Variants in RAB11FIP1 observed in about 807,000 individuals in gnomAD.
RAB11FIP1 encodes the protein rab11 family-interacting protein 1.
RAB11FIP1 carries 49 observed loss-of-function variants against 83.1 expected under a neutral mutation model. That is an observed-to-expected ratio of 0.59 (90% CI 0.47 to 0.75). RAB11FIP1 has a LOEUF of 0.75. Among genes scored for constraint, RAB11FIP1 ranks in the 30% least tolerant of loss-of-function variants. The probability of loss-of-function intolerance (pLI) is 0.00; values close to 1 mark genes in which losing one functional copy is unlikely to be tolerated. For synonymous variants in RAB11FIP1, 670 were observed against 656.0 expected (o/e 1.02, Z -0.33); for missense variants, 1,536 against 1,598.7 (o/e 0.96, Z 0.67).
In RAB11FIP1 at chr8:37,872,773, C is replaced by A. The variant is rs1432052605; in HGVS notation, c.2029G>T (p.Glu677Ter). 1 of 1,614,114 alleles carries A rather than the reference C, an allele frequency of 6.2e-7. No homozygotes were observed. Among genetic ancestry groups the A allele is most frequent in the African/African-American group, 1.3e-5 (1 of 74,940 alleles). ...TEDSLMGRTRETGTEKNTSSL... is the reference protein window; with the variant it reads ...TEDSLMGRTR ...CTGGTGTTCTTCTCTGTGCCTGTCT[C>A]ACGGGTCCTGCCCATCAGAGAATCT... is the stretch of plus-strand genomic sequence containing the variant. The change falls in exon 4 of 6, where the codon GAG (glutamate) becomes TAG (stop). Residue 677 changes from glutamate (E) to a stop codon, truncating the protein, a stop_gained. Transcript: ENST00000330843. LOFTEE classifies it high-confidence loss of function.
At chr8:37,867,420 G>T (rs1297047370) in intron 5 of RAB11FIP1, among the ~76,000 whole-genome samples, 1 of 152,174 alleles carries the variant, frequency 6.6e-6, no homozygotes, top group Non-Finnish European at 1.5e-5. Context: ...AAGAAAGAGT[G>T]GGGTCCGGGC....
intron 5 of RAB11FIP1, among the ~76,000 whole-genome samples, chr8:37,865,261 C>G (rs2130125431): frequency 6.6e-6 from 1 of 151,264 alleles, no homozygotes; most frequent in South Asian, 2.1e-4. Flanking sequence ...TGTAGGGTGT[C>G]ATATAATTAA....
Position 37,862,831 on chromosome 8 carries a change from C to G in RAB11FIP1, c.*64G>C, listed in dbSNP as rs1806265892. ...GGCTGGTTATCAGGCAAGGCAAGTC[C>G]TTGACCCCTGGAGCAGGTGAAAGTG... is the stretch of plus-strand genomic sequence containing the variant. On this transcript the variant is annotated 3_prime_UTR_variant, in exon 6 of 6. Coordinates refer to ENST00000330843, the MANE Select transcript of RAB11FIP1 (RefSeq NM_001002814.3). 7.3e-7 allele frequency: 1 copy of G among 1,365,444 alleles called. No homozygotes were observed. The highest frequency in any genetic ancestry group is 1.8e-5 in the Admixed American group (1 of 54,404). The allele number at this position is 1,365,444 out of a possible 1,614,324, so 84.6% of individuals were successfully genotyped here.
intron 1 of RAB11FIP1, among the ~76,000 whole-genome samples, chr8:37,898,576 C>A (rs972429414): frequency 2.6e-5 from 4 of 151,364 alleles, no homozygotes; most frequent in Non-Finnish European, 5.9e-5. Context: ...TCGCTTGAAC[C>A]CAGGAGGCGG....
At chr8:37,866,870 C>T (rs1418030787) in intron 5 of RAB11FIP1, among the ~76,000 whole-genome samples, 1 of 152,134 alleles carries the variant, frequency 6.6e-6, no homozygotes, top group Non-Finnish European at 1.5e-5. Context: ...GGAAACGTCC[C>T]GTATTTACCC....
At chr8:37,892,675 T>C (rs572912877) in intron 1 of RAB11FIP1, among the ~76,000 whole-genome samples, 147 of 152,218 alleles carry the variant, frequency 9.7e-4, no homozygotes, top group African/African-American at 3.4e-3. Flanking sequence ...TGACCTCAGG[T>C]GATCCACCCA....
chr8:37,875,277 T>C lies in RAB11FIP1; in HGVS notation c.860A>G (p.Asn287Ser). The C allele has an allele frequency of 6.2e-7, 1 of 1,613,546 alleles. No homozygotes were observed. Among genetic ancestry groups the C allele is most frequent in the Non-Finnish European group, 8.5e-7 (1 of 1,179,854 alleles). ...RTASTDLKQL[N>S]QVNFTLPKKE... ...CTTGGGAAGGGTAAAGTTGACCTGG[T>C]TCAGTTGCTTAAGATCCGTACTCGC... is the stretch of plus-strand genomic sequence containing the variant. The change falls in exon 3 of 6, where the codon AAC becomes AGC. Residue 287 changes from asparagine to serine, a missense_variant. Transcript: ENST00000330843.
At chr8:37,875,716 C>A (rs1436445309) in intron 2 of RAB11FIP1, among the ~76,000 whole-genome samples, 1 of 151,970 alleles carries the variant, frequency 6.6e-6, no homozygotes, top group Admixed American at 6.6e-5. Context: ...AGGCTATATC[C>A]CACGAGGGTT....
Position 37,869,717 on chromosome 8 carries a change from T to A in RAB11FIP1, c.3633+703A>T, listed in dbSNP as rs1205545398. Among the ~76,000 whole-genome samples the A allele has an allele frequency of 1.3e-5, 2 of 152,266 alleles. 1 individual carries two copies. The highest frequency in any genetic ancestry group is 4.1e-4 in the South Asian group (2 of 4,826). Reference sequence around the variant, plus strand: ...ACTTCCAAATGATTTTTAAAAAAAATTATGCATACACCTGCGTGTGTATAT... The same window carrying A: ...ACTTCCAAATGATTTTTAAAAAAAAATATGCATACACCTGCGTGTGTATAT... On this transcript the variant is annotated intron_variant, in intron 5 of 5. Coordinates refer to ENST00000330843, the MANE Select transcript of RAB11FIP1 (RefSeq NM_001002814.3).
Position 37,861,331 on chromosome 8 carries a change from C to T in RAB11FIP1, c.*1564G>A, listed in dbSNP as rs1806227892. The T allele has an allele frequency of 4.3e-6, 1 of 231,404 alleles. No individual in the cohort carries two copies. Among genetic ancestry groups the T allele is most frequent in the African/African-American group, 2.4e-5 (1 of 42,064 alleles). 14.3% of individuals were successfully genotyped at this position (231,404 alleles called of 1,614,324 possible). On this transcript the variant is annotated 3_prime_UTR_variant, in exon 6 of 6. Transcript: ENST00000330843. ...TGAGGGAAAATGGAAAAAAAGCAAC[C>T]ATTTGAAGGCTGAGGCACCTGTTTT...
chr8:37,889,534 G>A (rs908671989), intron 1 of RAB11FIP1, among the ~76,000 whole-genome samples: 2 of 152,054 alleles, frequency 1.3e-5, no homozygotes, highest in East Asian at 1.9e-4. Context: ...ATTGTCTTGG[G>A]GCAACCATGG....
At position 37,872,515 on chromosome 8, in the gene RAB11FIP1, T is replaced by TG; in HGVS notation, c.2286dup (p.Lys763GlnfsTer7). ...ACTTCTTCAGCTGCATCCCTGGCTT[T>TG]GCTCTCCACAAGAGACCCAGCCTGA... On this transcript the variant is annotated frameshift_variant, in exon 4 of 6. Coordinates refer to ENST00000330843, the MANE Select transcript of RAB11FIP1 (RefSeq NM_001002814.3). LOFTEE classifies it high-confidence loss of function. 6.2e-7 allele frequency: 1 copy of TG among 1,614,208 alleles called. No homozygotes were observed. The highest frequency in any genetic ancestry group is 2.2e-5 in the East Asian group (1 of 44,888).
chr8:37,888,471 A>T (rs1806877661), intron 1 of RAB11FIP1, among the ~76,000 whole-genome samples: 2 of 145,652 alleles, frequency 1.4e-5, no homozygotes, highest in Admixed American at 6.8e-5. Context: ...TACTTTCTTT[A>T]AAAAAAAAAA....
chr8:37,875,007 G>A lies in RAB11FIP1; in HGVS notation c.1130C>T (p.Ser377Phe). The A allele has an allele frequency of 6.2e-7, 1 of 1,614,164 alleles. No homozygotes were observed. The highest frequency in any genetic ancestry group is 8.5e-7 in the Non-Finnish European group (1 of 1,180,038). Reference sequence around the variant, plus strand: ...GGAAGATTCGGAGAGCTGCCTGTCAGAAGACAGCCCACCTCCTTCAGCAGG... The same window carrying A: ...GGAAGATTCGGAGAGCTGCCTGTCAAAAGACAGCCCACCTCCTTCAGCAGG... The part of the protein sequence containing the change: ...KEPAEGGGLS[S>F]DRQLSESSTK... Residue 377 changes from serine (S) to phenylalanine (F), a missense_variant, in exon 3 of 6, where the codon TCT (serine) becomes TTT (phenylalanine). Transcript: ENST00000330843.
intron 2 of RAB11FIP1, among the ~76,000 whole-genome samples, chr8:37,876,552 C>G (rs894648837): frequency 6.6e-6 from 1 of 150,720 alleles, no homozygotes; most frequent in Non-Finnish European, 1.5e-5. Flanking sequence ...AAGCTATGAT[C>G]GCGCCACTGC....
rs763490871 is a variant in RAB11FIP1 at position 37,872,421 on chromosome 8, A to G, written c.2381T>C (p.Met794Thr). ...IDSMMRKLEE[M>T]GLNLRKDQKK... ...CTGGTCCTTGCGGAGGTTCAGACCC[A>G]TCTCTTCCAGCTTCCGCATCATGGA... Residue 794 changes from methionine (M) to threonine (T), a missense_variant, in exon 4 of 6, where the codon ATG (methionine) becomes ACG (threonine). Coordinates refer to ENST00000330843, the MANE Select transcript of RAB11FIP1 (RefSeq NM_001002814.3). The G allele has an allele frequency of 6.2e-7, 1 of 1,614,140 alleles. No individual in the cohort carries two copies. The highest frequency in any genetic ancestry group is 2.2e-5 in the East Asian group (1 of 44,880).
chr8:37,876,500 A>G (rs553118913), intron 2 of RAB11FIP1, among the ~76,000 whole-genome samples: 27 of 151,992 alleles, frequency 1.8e-4, no homozygotes, highest in African/African-American at 6.5e-4. Flanking sequence ...CAGAAGGCCA[A>G]GGTGAGAGGA....
In RAB11FIP1 at chr8:37,874,899, G is replaced by A. The variant is rs1159655521; in HGVS notation, c.1238C>T (p.Ala413Val). 1 of 1,614,112 alleles carries A rather than the reference G, an allele frequency of 6.2e-7. No homozygotes were observed. Among genetic ancestry groups the A allele is most frequent in the Non-Finnish European group, 8.5e-7 (1 of 1,180,024 alleles). ...TTTTGTGGCCTCTGAGTTTGCGGGG[G>A]CCATGTTTTCCCTGAGGTCCCCACT... is the stretch of plus-strand genomic sequence containing the variant. Reference protein sequence around the residue: ...LVSGDLRENMAPANSEATKEA... With the variant: ...LVSGDLRENMVPANSEATKEA... Residue 413 changes from alanine to valine, a missense_variant, in exon 3 of 6, where the codon GCC becomes GTC. By Grantham distance (64) the Ala-to-Val change is moderately conservative (BLOSUM62 0). Coordinates refer to ENST00000330843, the MANE Select transcript of RAB11FIP1 (RefSeq NM_001002814.3).
Position 37,867,713 on chromosome 8 carries a change from A to G in RAB11FIP1, c.3633+2707T>C, listed in dbSNP as rs1806368652. 2.0e-5 allele frequency among the ~76,000 whole-genome samples: 3 copies of G among 149,314 alleles called. No homozygotes were observed. In the South Asian group the frequency reaches 6.4e-4, roughly 32 times the overall value. On this transcript the variant is annotated intron_variant, in intron 5 of 5. Transcript: ENST00000330843. ...CCAGAGCGAAAATCCATCAAAAAAG[A>G]AAAAAAAAAGGAAGGAAGGAAGGGA... is the stretch of plus-strand genomic sequence containing the variant.
Sources: allele counts gnomAD v4.1 joint callset (sites outside exome capture counted in the v4.1 genomes callset), GRCh38; gene constraint gnomAD v4.1.1; transcripts MANE v1.5; gene names NCBI Gene and HGNC (gene_info 2026-07-23, HGNC 2026-07-21).